The following SLC14A2 variants were observed in gnomAD, a reference collection of about 807,000 sequenced individuals.
The protein encoded by SLC14A2 is urea transporter 2.
Under a neutral mutation model 104.6 loss-of-function variants are expected in SLC14A2, and 91 were observed. That is an observed-to-expected ratio of 0.87 (90% CI 0.73 to 1.04). The LOEUF is 1.04. Among genes scored for constraint, SLC14A2 ranks in the 50% least tolerant of loss-of-function variants. SLC14A2 has a pLI of 0.00. For synonymous variants in SLC14A2, 476 were observed against 466.4 expected, an observed-to-expected ratio of 1.02 and a Z score of -0.27; for missense variants, 1,189 against 1,156.0, an observed-to-expected ratio of 1.03 and a Z score of -0.41.
intron 2 of SLC14A2, among the ~76,000 whole-genome samples, chr18:45,568,360 C>T (rs1044858513): frequency 1.3e-5 from 2 of 152,214 alleles, no homozygotes; most frequent in African/African-American, 4.8e-5. Context: ...AGCATCTCCA[C>T]CAGAGAAGCA....
chr18:45,378,625 T>C (rs998032872), intron 1 of SLC14A2, among the ~76,000 whole-genome samples: 3 of 152,258 alleles, frequency 2.0e-5, no homozygotes, highest in African/African-American at 7.2e-5. Flanking sequence ...AAAATTAGTT[T>C]GTATTACCGT....
chr18:45,320,751 AT>A (rs2085176898), intron 1 of SLC14A2, among the ~76,000 whole-genome samples: 1 of 152,214 alleles, frequency 6.6e-6, no homozygotes, highest in African/African-American at 2.4e-5. Context: ...TTATTATACT[AT>A]TTTTGAAATA....
chr18:45,624,767 C>G lies in SLC14A2; in HGVS notation c.103C>G (p.Pro35Ala). The G allele has an allele frequency of 6.2e-7, 1 of 1,613,282 alleles. No homozygotes were observed. Reference sequence around the variant, plus strand: ...CAGCCCGAGCTGGCCCTCGACATCCCCGGATACTCACCCAGCTCTGCCCCT... The same window carrying G: ...CAGCCCGAGCTGGCCCTCGACATCCGCGGATACTCACCCAGCTCTGCCCCT... ...FTSPSWPSTSPDTHPALPLLE... is the reference protein window; with the variant it reads ...FTSPSWPSTSADTHPALPLLE... The change falls in exon 2 of 20, where the codon CCG (proline) becomes GCG (alanine). Residue 35 changes from proline (P) to alanine (A), a missense_variant. Coordinates refer to ENST00000255226, the MANE Select transcript of SLC14A2 (RefSeq NM_007163.4).
chr18:45,454,290 T>C (rs577687043), intron 1 of SLC14A2, among the ~76,000 whole-genome samples: 1 of 152,358 alleles, frequency 6.6e-6, no homozygotes, highest in African/African-American at 2.4e-5. Context: ...ACTAGTTAAG[T>C]GACCGATCCA....
At chr18:45,658,393 C>A (rs1434149718) in intron 10 of SLC14A2, among the ~76,000 whole-genome samples, 1 of 151,994 alleles carries the variant, frequency 6.6e-6, no homozygotes, top group Admixed American at 6.6e-5. Context: ...CCAGCCTAAC[C>A]AATATAGTGA....
chr18:45,595,264 A>G (rs576173952), intron 2 of SLC14A2, among the ~76,000 whole-genome samples: 10 of 152,352 alleles, frequency 6.6e-5, no homozygotes, highest in African/African-American at 2.4e-4. Flanking sequence ...GGCTAGAAAA[A>G]TGATCTTCAC....
intron 1 of SLC14A2, among the ~76,000 whole-genome samples, chr18:45,377,236 C>G: frequency 6.6e-6 from 1 of 151,734 alleles, no homozygotes; most frequent in Non-Finnish European, 1.5e-5. Flanking sequence ...TTTCTGTGGT[C>G]TGCTCAGGGG....
Position 45,472,870 on chromosome 18 carries a change from CTTTAA to C in SLC14A2, c.-124-10355_-124-10351del, listed in dbSNP as rs1005754874. Among the ~76,000 whole-genome samples the C allele has an allele frequency of 6.6e-5, 10 of 152,268 alleles. No individual in the cohort carries two copies. In the East Asian group the frequency reaches 1.9e-3, roughly 29 times the overall value. ...TAGTTTCTTTTGCTGTGCAGAAGCT[CTTTAA>C]TTTAATTAGATCCCATTTGTCAATT... On this transcript the variant is annotated intron_variant, in intron 1 of 20. Coordinates refer to the SLC14A2 transcript ENST00000586448.
intron 1 of SLC14A2, among the ~76,000 whole-genome samples, chr18:45,290,656 G>A (rs530469002): frequency 1.5e-4 from 23 of 152,328 alleles, no homozygotes; most frequent in Admixed American, 1.3e-3. Flanking sequence ...ACTGGGTTTC[G>A]AAGGCTTGAC....
the SLC14A2 span, among the ~76,000 whole-genome samples, chr18:45,203,150 CTCCTGA>C: frequency 6.6e-6 from 1 of 152,174 alleles, no homozygotes; most frequent in African/African-American, 2.4e-5. Context: ...AAAAGCAAAT[CTCCTGA>C]AATGACAGAC....
At position 45,596,543 on chromosome 18, in the gene SLC14A2, T is replaced by C. The variant is rs1159631426; in HGVS notation, c.-34-28088T>C. 3.3e-5 allele frequency among the ~76,000 whole-genome samples: 5 copies of C among 152,128 alleles called. No homozygotes were observed. In the South Asian group the frequency reaches 6.2e-4, roughly 19 times the overall value. ...GTGAGGTCTGTAGGGCTATGTTGGT[T>C]TGGGTGTCTCTGGGAGACAAGAGTC... On this transcript the variant is annotated intron_variant, in intron 2 of 20. Coordinates refer to the SLC14A2 transcript ENST00000586448.
At chr18:45,179,411 T>C in the SLC14A2 span, among the ~76,000 whole-genome samples, 4 of 152,356 alleles carry the variant, frequency 2.6e-5, no homozygotes, top group East Asian at 7.7e-4. Flanking sequence ...CATAGGAACA[T>C]GCCTTCAGAG....
chr18:45,278,582 G>T, intron 1 of SLC14A2, among the ~76,000 whole-genome samples: 1 of 152,150 alleles, frequency 6.6e-6, no homozygotes, highest in Non-Finnish European at 1.5e-5. Flanking sequence ...CTTATGAAGT[G>T]CTGTGCCAAT....
chr18:45,279,206 G>A (rs993098048), intron 1 of SLC14A2, among the ~76,000 whole-genome samples: 11 of 152,222 alleles, frequency 7.2e-5, no homozygotes, highest in African/African-American at 2.7e-4. Flanking sequence ...GCCGACAGCA[G>A]TAACAGGTTG....
At chr18:45,391,658 G>T (rs1467125303) in intron 1 of SLC14A2, among the ~76,000 whole-genome samples, 1 of 152,140 alleles carries the variant, frequency 6.6e-6, no homozygotes, top group Non-Finnish European at 1.5e-5. Flanking sequence ...GTTTTGATTT[G>T]CATCTCTCTG....
At chr18:45,308,213 A>G (rs1284875725) in intron 1 of SLC14A2, among the ~76,000 whole-genome samples, 1 of 152,082 alleles carries the variant, frequency 6.6e-6, no homozygotes, top group African/African-American at 2.4e-5. Context: ...ATACACCCAA[A>G]CCATGTAAGT....
chr18:45,679,109 C>G, intron 19 of SLC14A2, 85 bp downstream of exon 19: 1 of 1,229,380 alleles, frequency 8.1e-7, no homozygotes, highest in Non-Finnish European at 1.2e-6. Flanking sequence ...AAACCTCTCT[C>G]CTCTAAGAAC....
At chr18:45,675,799 C>T (rs995505663) in intron 18 of SLC14A2, among the ~76,000 whole-genome samples, 2 of 146,988 alleles carry the variant, frequency 1.4e-5, no homozygotes, top group Non-Finnish European at 3.0e-5. Context: ...CTCAGCCTCA[C>T]AAACAAATGT....
chr18:45,281,113 G>A (rs976746388), intron 1 of SLC14A2, among the ~76,000 whole-genome samples: 1 of 152,188 alleles, frequency 6.6e-6, no homozygotes, highest in Non-Finnish European at 1.5e-5. Flanking sequence ...TGCTCGGAGA[G>A]CATCAGATCC....
Sources: allele counts gnomAD v4.1 joint callset (sites outside exome capture counted in the v4.1 genomes callset), GRCh38; gene constraint gnomAD v4.1.1; transcripts MANE v1.5; gene names NCBI Gene and HGNC (gene_info 2026-07-23, HGNC 2026-07-21).